MAPK10: variants seen among roughly 807,000 people sequenced by gnomAD.
MAPK10 encodes JNK3 alpha protein kinase.
MAPK10 carries 25 observed loss-of-function variants against 59.3 expected under a neutral mutation model. That is an observed-to-expected ratio of 0.42 (90% CI 0.31 to 0.59). The LOEUF (loss-of-function observed/expected upper bound fraction) is 0.59. MAPK10 is among the 20% of genes least tolerant of loss of function. The pLI, the probability that MAPK10 is intolerant of heterozygous loss-of-function variation, is 0.15. For synonymous variants in MAPK10, 190 were observed against 200.5 expected (o/e 0.95, Z 0.44); for missense variants, 351 against 568.9 (o/e 0.62, Z 3.90).
chr4:86,098,496 A>G (rs914696070), intron 9 of MAPK10, 28 bp downstream of exon 9: 5 of 1,610,774 alleles, frequency 3.1e-6, no homozygotes, highest in Admixed American at 1.7e-5. Flanking sequence ...CAAAACAGGT[A>G]AAGCTGTAGC....
At chr4:86,262,165 T>TG (rs2094011364) in intron 2 of MAPK10, among the ~76,000 whole-genome samples, 2 of 152,214 alleles carry the variant, frequency 1.3e-5, no homozygotes, top group Non-Finnish European at 2.9e-5. Context: ...GTGGGACTTT[T>TG]AAGAGGTGAT....
intron 1 of MAPK10, among the ~76,000 whole-genome samples, chr4:86,578,894 C>T (rs993718521): frequency 4.6e-5 from 7 of 151,930 alleles, no homozygotes; most frequent in Non-Finnish European, 7.4e-5. Context: ...AGATAGATTA[C>T]CAACTCTATC....
At chr4:86,211,563 G>C (rs78969604) in intron 2 of MAPK10, among the ~76,000 whole-genome samples, 12,920 of 152,064 alleles carry the variant, frequency 0.085, 1,216 homozygotes, top group African/African-American at 0.23. Flanking sequence ...GACCTGCTTT[G>C]CAAGAAATGC....
chr4:86,525,601 C>T (rs1336576168), intron 1 of MAPK10, among the ~76,000 whole-genome samples: 1 of 152,136 alleles, frequency 6.6e-6, no homozygotes, highest in Non-Finnish European at 1.5e-5. Flanking sequence ...TGTCTTTATT[C>T]AGTTTCATAA....
At chr4:86,478,881 C>T (rs527533220) in intron 1 of MAPK10, among the ~76,000 whole-genome samples, 8 of 152,276 alleles carry the variant, frequency 5.3e-5, no homozygotes, top group South Asian at 2.1e-4. Flanking sequence ...TCCTTTCCAT[C>T]GTGGAAATCT....
intron 4 of MAPK10, among the ~76,000 whole-genome samples, chr4:86,155,603 G>A (rs757120622): frequency 6.6e-6 from 1 of 151,872 alleles, no homozygotes; most frequent in Admixed American, 6.6e-5. Context: ...ATATGCCTAT[G>A]ATAAAGTGTA....
chr4:86,276,450 A>G (rs1029407147), intron 2 of MAPK10, among the ~76,000 whole-genome samples: 2 of 152,126 alleles, frequency 1.3e-5, no homozygotes, highest in Non-Finnish European at 2.9e-5. Flanking sequence ...AAGAGAACCC[A>G]ATGTTTAAAA....
chr4:86,294,446 G>C lies in MAPK10; in HGVS notation c.-7+60084C>G, dbSNP rs189661822. On this transcript the variant is annotated intron_variant, in intron 2 of 13. Transcript: ENST00000641462. ...TTAAGTTGTGAAAGGCTTTTTATTA[G>C]TTTGGCAATCAAAAGTTCTACTAGA... 2.8e-3 allele frequency among the ~76,000 whole-genome samples: 419 copies of C among 151,674 alleles called. 7 individuals are homozygous for C. Among genetic ancestry groups the C allele is most frequent in the Middle Eastern group, 6.8e-3 (2 of 294 alleles).
At chr4:86,453,580 C>T (rs1750973524), upstream of MAPK10, 2 of 132,066 alleles carry the variant, frequency 1.5e-5, no homozygotes, top group East Asian at 2.8e-4. Context: ...ACCCCCCCAC[C>T]CCACCCCCAC....
intron 1 of MAPK10, among the ~76,000 whole-genome samples, chr4:86,467,915 C>T (rs1752348098): frequency 6.6e-6 from 1 of 152,142 alleles, no homozygotes; most frequent in Non-Finnish European, 1.5e-5. Flanking sequence ...TTAGAGAAGA[C>T]TCATAGATGT....
chr4:86,576,148 T>C (rs1761871281), intron 1 of MAPK10, among the ~76,000 whole-genome samples: 1 of 151,972 alleles, frequency 6.6e-6, no homozygotes, highest in Non-Finnish European at 1.5e-5. Flanking sequence ...CAAGCCATCA[T>C]GCCCAGGTAA....
At chr4:86,425,695 G>T (rs1382611825) in intron 1 of MAPK10, among the ~76,000 whole-genome samples, 1 of 152,048 alleles carries the variant, frequency 6.6e-6, no homozygotes, top group Admixed American at 6.6e-5. Flanking sequence ...TTTAAGGATC[G>T]GGCGCAGTGA....
intron 13 of MAPK10, 41 bp downstream of exon 13, chr4:86,029,156 C>T (rs1485965764): frequency 1.5e-6 from 2 of 1,365,758 alleles, no homozygotes; most frequent in Non-Finnish European, 2.1e-6. Context: ...CAAGAAATTA[C>T]ACAAGTACTA....
intron 3 of MAPK10, chr4:86,176,147 A>G (rs2075640951): frequency 6.6e-6 from 1 of 152,176 alleles, no homozygotes; most frequent in African/African-American, 2.4e-5. Flanking sequence ...ATAAGCAAAC[A>G]TTATCACTTA....
At chr4:86,083,844 G>A (rs1191746976) in intron 9 of MAPK10, among the ~76,000 whole-genome samples, 2 of 152,048 alleles carry the variant, frequency 1.3e-5, no homozygotes, top group Admixed American at 1.3e-4. Flanking sequence ...ACTTTGTCTT[G>A]CATTTTGGAT....
At chr4:86,267,784 T>G (rs537802610) in intron 2 of MAPK10, among the ~76,000 whole-genome samples, 1 of 152,198 alleles carries the variant, frequency 6.6e-6, no homozygotes, top group East Asian at 1.9e-4. Flanking sequence ...AAAGTGGCCT[T>G]CCATGATCTC....
intron 3 of MAPK10, chr4:86,192,685 A>G (rs542738503): frequency 3.9e-5 from 6 of 152,010 alleles, no homozygotes; most frequent in African/African-American, 7.2e-5. Context: ...ACCTTTTTTC[A>G]AGGTTCTTAA....
intron 2 of MAPK10, among the ~76,000 whole-genome samples, chr4:86,237,974 T>C (rs1461599770): frequency 6.6e-6 from 1 of 152,242 alleles, no homozygotes; most frequent in African/African-American, 2.4e-5. Context: ...TTTTATAGTT[T>C]TGGGTTTTAC....
At chr4:86,210,095 C>A in intron 2 of MAPK10, among the ~76,000 whole-genome samples, 1 of 151,916 alleles carries the variant, frequency 6.6e-6, no homozygotes, top group East Asian at 1.9e-4. Context: ...AAAACTAGAC[C>A]CTAATCTCTC....
Sources: gnomAD v4.1 joint callset for allele counts (sites outside exome capture counted in the v4.1 genomes callset) on GRCh38, gnomAD v4.1.1 for gene constraint, MANE v1.5 for transcripts, NCBI Gene and HGNC (gene_info 2026-07-23, HGNC 2026-07-21) for gene names.